The following ACADL variants were observed in gnomAD, a reference collection of about 807,000 sequenced individuals.
ACADL encodes the protein long-chain specific acyl-CoA dehydrogenase, mitochondrial.
Under a neutral mutation model 56.9 loss-of-function variants are expected in ACADL, and 60 were observed. That is an observed-to-expected ratio of 1.05 (90% CI 0.86 to 1.31). The LOEUF is 1.31. Among genes scored for constraint, ACADL ranks in the 50% most tolerant of loss-of-function variants. ACADL has a pLI of 0.00. For missense variants in ACADL, 484 were observed against 525.5 expected (o/e 0.92, Z 0.77); for synonymous variants, 158 against 179.7 (o/e 0.88, Z 0.97).
At chr2:210,210,036 G>C (rs1430265849) in intron 5 of ACADL, 160 bp downstream of exon 5, 1 of 635,294 alleles carries the variant, frequency 1.6e-6, no homozygotes, top group African/African-American at 1.8e-5. Context: ...CAGATCTTAA[G>C]TAATATATGT....
chr2:210,195,597 G>T (rs1688697915), intron 8 of ACADL, among the ~76,000 whole-genome samples: 1 of 152,156 alleles, frequency 6.6e-6, no homozygotes, highest in South Asian at 2.1e-4. Context: ...GTTTCAGATT[G>T]TAAAATTTAG....
At position 210,216,493 on chromosome 2, in the gene ACADL, T is replaced by C. The variant is rs749663218; in HGVS notation, c.390A>G (p.Ser130=). 81 of 1,613,398 alleles carry C rather than the reference T, an allele frequency of 5.0e-5. No homozygotes were observed. Among genetic ancestry groups the C allele is most frequent in the Non-Finnish European group, 6.7e-5 (79 of 1,179,656 alleles). Residue 130 remains serine (S), a synonymous_variant, in exon 4 of 11, where the codon TCA becomes TCG. Transcript: ENST00000233710. The stretch of plus-strand genomic sequence containing the variant: ...CTGAATGAATACTAAAACCTGGGCC[T>C]GAACAATTTGAATAAGCTCTTAGAA... The part of the protein sequence containing the change: ...VWEEQAYSNC[S]GPGFSIHSGI...
chr2:210,213,730 A>T (rs1473911575), intron 4 of ACADL, among the ~76,000 whole-genome samples: 1 of 152,182 alleles, frequency 6.6e-6, no homozygotes, highest in Admixed American at 6.5e-5. Flanking sequence ...TTTACCCAAG[A>T]TCACACAGCT....
chr2:210,219,450 T>G (rs1689140964), intron 2 of ACADL, among the ~76,000 whole-genome samples: 1 of 152,004 alleles, frequency 6.6e-6, no homozygotes, highest in Non-Finnish European at 1.5e-5. Flanking sequence ...GGCAACAGAG[T>G]GAGACCATGT....
In ACADL at chr2:210,205,775, A is replaced by G; in HGVS notation, c.625T>C (p.Leu209=). ...GSKVFISNGS[L]SDVVIVVAVT... ...GCAACTACAATCACAACATCACTTA[A>G]TGACCCATTACTGATGAACACCTGC... Residue 209 remains leucine (L), a synonymous_variant, in exon 6 of 11, where the codon TTA becomes CTA. Transcript: ENST00000233710. 1.2e-6 allele frequency: 2 copies of G among 1,613,968 alleles called. No homozygotes were observed. Among genetic ancestry groups the G allele is most frequent in the Non-Finnish European group, 1.7e-6 (2 of 1,179,910 alleles).
intron 5 of ACADL, among the ~76,000 whole-genome samples, chr2:210,207,170 A>C (rs1184054083): frequency 6.6e-6 from 1 of 152,080 alleles, no homozygotes; most frequent in Non-Finnish European, 1.5e-5. Context: ...TCATTTCTTA[A>C]GTTCCTACAA....
Position 210,195,226 on chromosome 2 carries a change from C to T in ACADL, c.1097G>A (p.Cys366Tyr). 1 of 1,613,874 alleles carries T rather than the reference C, an allele frequency of 6.2e-7. No individual in the cohort carries two copies. The highest frequency in any genetic ancestry group is 1.1e-5 in the South Asian group (1 of 91,076). ...EAKRLDSATA[C>Y]MAKYWASELQ... ...GCATGCATACCAATATTTCGCCATGCAAGCAGTGGCGGAGTCCAAACGTTT... is the reference window on the plus strand; with the variant it reads ...GCATGCATACCAATATTTCGCCATGTAAGCAGTGGCGGAGTCCAAACGTTT... Residue 366 changes from cysteine (C) to tyrosine (Y), a missense_variant, in exon 9 of 11, where the codon TGC becomes TAC. Physicochemically the swap from Cys to Tyr is radical, Grantham distance 194 (BLOSUM62 -2). Transcript: ENST00000233710.
chr2:210,214,503 GAAAGAA>G lies in ACADL; in HGVS notation c.536+1838_536+1843del, dbSNP rs1229958559. ...AGAAAGAAAGAAAGAAAGAAAGAAAGAAAGAAAAAGAAAGAAAGAAAGAAAGAAATC... is the reference window on the plus strand; with the variant it reads ...AGAAAGAAAGAAAGAAAGAAAGAAAGAAAGAAAGAAAGAAAGAAAGAAATC... On this transcript the variant is annotated intron_variant, in intron 4 of 10. Transcript: ENST00000233710. 8.2e-4 allele frequency among the ~76,000 whole-genome samples: 123 copies of G among 150,616 alleles called. 1 individual carries two copies. Among genetic ancestry groups the G allele is most frequent in the African/African-American group, 3.0e-3 (122 of 40,374 alleles).
In ACADL at chr2:210,204,793, A is replaced by T. The variant is rs558788736; in HGVS notation, c.769-111T>A. The T allele has an allele frequency of 5.6e-6, 5 of 899,936 alleles. No individual in the cohort carries two copies. The African/African-American group carries it at 8.3e-5, about 15-fold the overall frequency. The allele number at this position is 899,936 out of a possible 1,614,324, so 55.7% of individuals were successfully genotyped here. On this transcript the variant is annotated intron_variant, in intron 6 of 10. Transcript: ENST00000233710. ...TCCAAAAAAACAAAACACAAATTGGAAGCCAAGTTGGAGTAGTTAATGAAC... is the reference window on the plus strand; with the variant it reads ...TCCAAAAAAACAAAACACAAATTGGTAGCCAAGTTGGAGTAGTTAATGAAC...
intron 8 of ACADL, among the ~76,000 whole-genome samples, chr2:210,202,998 C>T (rs1258958283): frequency 6.6e-6 from 1 of 152,164 alleles, no homozygotes. Flanking sequence ...CTCCATGAAG[C>T]CCTCTTTCCT....
At position 210,192,817 on chromosome 2, in the gene ACADL, A is replaced by C; in HGVS notation, c.1186T>G (p.Tyr396Asp). 3 of 1,612,972 alleles carry C rather than the reference A, an allele frequency of 1.9e-6. No homozygotes were observed. The highest frequency in any genetic ancestry group is 1.7e-6 in the Non-Finnish European group (2 of 1,179,174). Residue 396 changes from tyrosine to aspartate, a missense_variant, in exon 10 of 11, where the codon TAC (tyrosine) becomes GAC (aspartate). Transcript: ENST00000233710. Reference protein sequence around the residue: ...LHGGWGYMWEYPIAKAYVDAR... With the variant: ...LHGGWGYMWEDPIAKAYVDAR... Reference sequence around the variant, plus strand: ...AACTATACTTACTTTGCAATTGGGTACTCCCACATGTATCCCCAACCTCCA... The same window carrying C: ...AACTATACTTACTTTGCAATTGGGTCCTCCCACATGTATCCCCAACCTCCA...
At chr2:210,205,580 G>C in intron 6 of ACADL, 52 bp downstream of exon 6, 1 of 1,573,458 alleles carries the variant, frequency 6.4e-7, no homozygotes, top group Non-Finnish European at 8.7e-7. Context: ...TCTCCTATCT[G>C]ATTAACAGTA....
At chr2:210,207,432 G>A in intron 5 of ACADL, among the ~76,000 whole-genome samples, 1 of 151,904 alleles carries the variant, frequency 6.6e-6, no homozygotes, top group South Asian at 2.1e-4. Context: ...TAAACTACTT[G>A]CTGTCCATCA....
At chr2:210,216,109 T>A (rs542309219) in intron 4 of ACADL, among the ~76,000 whole-genome samples, 1 of 152,228 alleles carries the variant, frequency 6.6e-6, no homozygotes, top group South Asian at 2.1e-4. Flanking sequence ...AAATTCATTA[T>A]GGTGAAAATT....
rs368422295 is a variant in ACADL at position 210,208,647 on chromosome 2, C to T, written c.603+1549G>A. Among the ~76,000 whole-genome samples, 30 of 152,236 alleles carry T rather than the reference C, an allele frequency of 2.0e-4. No homozygotes were observed. The South Asian group carries it at 2.9e-3, about 15-fold the overall frequency. On this transcript the variant is annotated intron_variant, in intron 5 of 10. Coordinates refer to ENST00000233710, the MANE Select transcript of ACADL (RefSeq NM_001608.4). ...AGGAAAATATAATTCTCCATAAGTACATAATACAACTATCATTGATAATTT... is the reference window on the plus strand; with the variant it reads ...AGGAAAATATAATTCTCCATAAGTATATAATACAACTATCATTGATAATTT...
chr2:210,191,683 A>T (rs1198171763), intron 10 of ACADL, among the ~76,000 whole-genome samples: 1 of 152,162 alleles, frequency 6.6e-6, no homozygotes, highest in African/African-American at 2.4e-5. Flanking sequence ...AGGTTTCATA[A>T]TTTTTCCCTT....
rs955298905 is a variant in ACADL, at chr2:210,195,289, C to T, written c.1034G>A (p.Arg345Gln). ...AELKTHICVT[R>Q]AFVDNCLQLH... ...CTGGAGACAGTTGTCCACAAATGCT[C>T]GGGTTACACATATATGTGTTTTTAA... The change falls in exon 9 of 11, where the codon CGA becomes CAA. Residue 345 changes from arginine to glutamine, a missense_variant. Arg to Gln is a conservative substitution (Grantham distance 43). Transcript: ENST00000233710. The T allele has an allele frequency of 4.3e-6, 7 of 1,613,488 alleles. No homozygotes were observed. Among genetic ancestry groups the T allele is most frequent in the East Asian group, 2.2e-5 (1 of 44,874 alleles).
intron 2 of ACADL, chr2:210,218,438 G>C: frequency 3.9e-6 from 1 of 256,144 alleles, no homozygotes; most frequent in South Asian, 4.8e-5. Context: ...CTGCCACAAG[G>C]CCAGGCTAAT....
intron 6 of ACADL, among the ~76,000 whole-genome samples, chr2:210,205,036 A>AT (rs1348023663): frequency 1.3e-5 from 2 of 151,430 alleles, no homozygotes; most frequent in Non-Finnish European, 2.9e-5. Context: ...TGTTTGTTTT[A>AT]TTTTTTTTGA....
Sources: allele counts gnomAD v4.1 joint callset (sites outside exome capture counted in the v4.1 genomes callset), GRCh38; gene constraint gnomAD v4.1.1; transcripts MANE v1.5; gene names NCBI Gene and HGNC (gene_info 2026-07-23, HGNC 2026-07-21).